Variants in RBFOX1 observed in about 807,000 individuals in gnomAD.
The protein encoded by RBFOX1 is RNA binding protein fox-1 homolog 1.
A neutral mutation model predicts 57.7 loss-of-function variants in RBFOX1; 8 were observed. The ratio of observed to expected loss-of-function variants is 0.14; its 90% CI spans 0.08 to 0.25. RBFOX1 has a LOEUF of 0.25. Ranked by LOEUF, RBFOX1 falls within the 10% of genes least tolerant of loss-of-function variation. The probability of loss-of-function intolerance (pLI) is 1.00; values close to 1 mark genes in which losing one functional copy is unlikely to be tolerated. For missense variants in RBFOX1, 611 were observed against 548.5 expected (o/e 1.11, Z -1.14); for synonymous variants, 326 against 222.4 (o/e 1.47, Z -4.15).
intron 3 of RBFOX1, among the ~76,000 whole-genome samples, chr16:5,693,054 T>A (rs533062463): frequency 6.6e-6 from 1 of 152,186 alleles, no homozygotes; most frequent in African/African-American, 2.4e-5. Flanking sequence ...TATGGAAGTT[T>A]GTATCTTCCC....
chr16:7,499,857 G>A (rs2070080997), intron 4 of RBFOX1, among the ~76,000 whole-genome samples: 1 of 151,508 alleles, frequency 6.6e-6, no homozygotes, highest in Admixed American at 6.6e-5. Context: ...CACAATTATT[G>A]GGCCAGACTT....
At chr16:6,951,701 C>T (rs2080794713) in intron 3 of RBFOX1, among the ~76,000 whole-genome samples, 1 of 152,062 alleles carries the variant, frequency 6.6e-6, no homozygotes, top group South Asian at 2.1e-4. Flanking sequence ...AAATGTCCAC[C>T]CAGATTCAAG....
chr16:7,194,863 G>A (rs542587969), intron 4 of RBFOX1, among the ~76,000 whole-genome samples: 2 of 151,252 alleles, frequency 1.3e-5, no homozygotes, highest in South Asian at 4.2e-4. Flanking sequence ...GGGAGGCAGA[G>A]GTTGCTGTGA....
At chr16:5,512,470 T>C (rs916619323) in intron 2 of RBFOX1, among the ~76,000 whole-genome samples, 2 of 152,066 alleles carry the variant, frequency 1.3e-5, no homozygotes, top group Non-Finnish European at 2.9e-5. Context: ...TGGATAAGTG[T>C]GTGTGTGGAG....
chr16:5,597,634 A>C (rs998458845), intron 2 of RBFOX1, among the ~76,000 whole-genome samples: 19 of 152,030 alleles, frequency 1.2e-4, no homozygotes, highest in Admixed American at 5.2e-4. Flanking sequence ...TCCTGACCTC[A>C]GGTGATCTGT....
chr16:6,423,050 A>G lies in RBFOX1; in HGVS notation c.-64+105993A>G, dbSNP rs549310179. ...TATATGTACTACATTTTCTTTATCC[A>G]GGCCACCGCTGATGGGCAGCTAGGT... is the stretch of plus-strand genomic sequence containing the variant. On this transcript the variant is annotated intron_variant, in intron 2 of 15. Coordinates refer to ENST00000550418, the MANE Select transcript of RBFOX1 (RefSeq NM_018723.4). Among the ~76,000 whole-genome samples, 201 of 152,268 alleles carry G rather than the reference A, an allele frequency of 1.3e-3. 3 individuals carry two copies. The highest frequency in any genetic ancestry group is 4.7e-3 in the African/African-American group (194 of 41,542).
intron 1 of RBFOX1, among the ~76,000 whole-genome samples, chr16:6,115,830 C>A (rs752542201): frequency 2.6e-5 from 4 of 152,174 alleles, no homozygotes; most frequent in African/African-American, 9.7e-5. Flanking sequence ...CAGGCCTCTG[C>A]TCTCCTGAGC....
chr16:6,062,127 G>A lies in RBFOX1; in HGVS notation c.-127+42135G>A, dbSNP rs142431342. Among the ~76,000 whole-genome samples the A allele has an allele frequency of 3.8e-3, 581 of 152,324 alleles. 2 individuals carry two copies. The highest frequency in any genetic ancestry group is 6.2e-3 in the Non-Finnish European group (424 of 68,036). ...CGAGATGCATGGGGCTGAGCATGTG[G>A]ATAGGCGTGCAGAGCTTCCTTGCCG... On this transcript the variant is annotated intron_variant, in intron 1 of 15. Coordinates refer to ENST00000550418, the MANE Select transcript of RBFOX1 (RefSeq NM_018723.4).
chr16:5,324,336 G>A (rs190867753), intron 1 of RBFOX1, among the ~76,000 whole-genome samples: 14 of 152,208 alleles, frequency 9.2e-5, no homozygotes, highest in Non-Finnish European at 1.5e-4. Flanking sequence ...GGTGGTGCAC[G>A]CCTGTAATCC....
chr16:6,931,734 G>A (rs1042269567), intron 3 of RBFOX1, among the ~76,000 whole-genome samples: 5 of 152,180 alleles, frequency 3.3e-5, no homozygotes, highest in Admixed American at 2.6e-4. Flanking sequence ...TGTTGCTTGT[G>A]CAGATCTCTT....
chr16:5,606,921 G>T (rs1003235207), intron 3 of RBFOX1, among the ~76,000 whole-genome samples: 1 of 152,222 alleles, frequency 6.6e-6, no homozygotes, highest in Non-Finnish European at 1.5e-5. Context: ...GCATGCCCCA[G>T]TGCTCCATAG....
At chr16:5,344,007 T>C (rs1026087307) in intron 1 of RBFOX1, among the ~76,000 whole-genome samples, 3 of 152,204 alleles carry the variant, frequency 2.0e-5, no homozygotes, top group African/African-American at 7.2e-5. Context: ...AGCTGGGGTG[T>C]TCTGCTTATG....
intron 2 of RBFOX1, among the ~76,000 whole-genome samples, chr16:6,472,027 T>A (rs1452331390): frequency 1.3e-5 from 2 of 152,210 alleles, no homozygotes; most frequent in African/African-American, 2.4e-5. Context: ...TCCTCTGAGT[T>A]CTTTTCCCAT....
chr16:6,896,198 G>A (rs750419807), intron 3 of RBFOX1, among the ~76,000 whole-genome samples: 3 of 152,054 alleles, frequency 2.0e-5, no homozygotes, highest in African/African-American at 7.2e-5. Flanking sequence ...ACTTGAACCT[G>A]GCAGGCGAAG....
At chr16:7,580,007 A>G in intron 6 of RBFOX1, 87 bp downstream of exon 6, 1 of 1,434,920 alleles carries the variant, frequency 7.0e-7, no homozygotes, top group Non-Finnish European at 9.6e-7. Context: ...TATTTACAAT[A>G]CTAAGGTTAG....
At chr16:7,055,959 T>C (rs1193662007) in intron 4 of RBFOX1, among the ~76,000 whole-genome samples, 2 of 152,210 alleles carry the variant, frequency 1.3e-5, no homozygotes, top group Admixed American at 1.3e-4. Context: ...TCTGCCAACA[T>C]TGAATCTCAC....
intron 2 of RBFOX1, among the ~76,000 whole-genome samples, chr16:5,531,016 T>A (rs1409174416): frequency 6.8e-6 from 1 of 147,448 alleles, no homozygotes; most frequent in Admixed American, 6.7e-5. Flanking sequence ...TCCCAGCTAC[T>A]TGGGAGGCTG....
At chr16:5,314,701 A>C (rs779828124) in intron 1 of RBFOX1, among the ~76,000 whole-genome samples, 1 of 151,720 alleles carries the variant, frequency 6.6e-6, no homozygotes, top group Non-Finnish European at 1.5e-5. Flanking sequence ...CGGTCTTGTT[A>C]TGTTGCCTAG....
At chr16:6,361,628 T>TTAAA (rs1371587081) in intron 2 of RBFOX1, among the ~76,000 whole-genome samples, 4 of 127,932 alleles carry the variant, frequency 3.1e-5, no homozygotes, top group African/African-American at 8.7e-5. Context: ...ACTCTGTCTC[T>TTAAA]AAAAAAAAAA....
Sources: allele counts gnomAD v4.1 joint callset (sites outside exome capture counted in the v4.1 genomes callset), GRCh38; gene constraint gnomAD v4.1.1; transcripts MANE v1.5; gene names NCBI Gene and HGNC (gene_info 2026-07-23, HGNC 2026-07-21).